The following DACH2 variants were observed in gnomAD, a reference collection of about 807,000 sequenced individuals.
DACH2 encodes the protein dachshund family transcription factor 2.
Under a neutral mutation model 35.8 loss-of-function variants are expected in DACH2, and 17 were observed. The ratio of observed to expected loss-of-function variants is 0.48; its 90% CI spans 0.33 to 0.71. DACH2 has a LOEUF of 0.71. Among genes scored for constraint, DACH2 ranks in the 30% least tolerant of loss-of-function variants. The probability of loss-of-function intolerance (pLI) is 0.02; values close to 1 mark genes in which losing one functional copy is unlikely to be tolerated. For missense variants in DACH2, 469 were observed against 472.7 expected (o/e 0.99, Z 0.07); for synonymous variants, 195 against 177.3 (o/e 1.10, Z -0.79).
At chrX:86,519,109 G>T (rs961033189) in intron 3 of DACH2, among the ~76,000 whole-genome samples, 46 of 111,877 alleles carry the variant, frequency 4.1e-4, no homozygotes, top group African/African-American at 1.5e-3. Context: ...ACATGAAGAT[G>T]TGTTGAATTT....
At chrX:86,472,792 A>G (rs1242654175) in intron 2 of DACH2, among the ~76,000 whole-genome samples, 5 of 112,021 alleles carry the variant, frequency 4.5e-5, no homozygotes, top group African/African-American at 1.3e-4. Context: ...ATTTGAAGAA[A>G]GGGTGGAAAA....
intron 2 of DACH2, among the ~76,000 whole-genome samples, chrX:86,402,366 A>T (rs2036449726): frequency 8.9e-6 from 1 of 112,127 alleles, no homozygotes; most frequent in African/African-American, 3.2e-5. Context: ...TAAAATCAAT[A>T]GGATTTCTAT....
chrX:86,414,799 AC>A (rs1054090983), intron 2 of DACH2, among the ~76,000 whole-genome samples: 2 of 110,566 alleles, frequency 1.8e-5, no homozygotes, highest in Non-Finnish European at 3.8e-5. Flanking sequence ...TTTTTTTTAA[AC>A]TCCCTCAACT....
intron 2 of DACH2, among the ~76,000 whole-genome samples, chrX:86,473,365 A>G (rs1030170916): frequency 1.4e-4 from 16 of 111,372 alleles, no homozygotes; most frequent in Non-Finnish European, 1.3e-4. Context: ...TATGTTATAG[A>G]CAATCCAACT....
At chrX:86,756,113 A>G (rs904386736) in intron 7 of DACH2, among the ~76,000 whole-genome samples, 3 of 111,021 alleles carry the variant, frequency 2.7e-5, no homozygotes, top group African/African-American at 9.8e-5. Flanking sequence ...TTTTTATACC[A>G]AATACCATGC....
intron 1 of DACH2, among the ~76,000 whole-genome samples, chrX:86,274,413 C>T (rs190346085): frequency 2.9e-4 from 30 of 103,543 alleles, no homozygotes; most frequent in African/African-American, 1.0e-3. Context: ...GTAACATTGT[C>T]ATAGGATTTA....
chrX:86,247,211 G>A (rs2033303668), intron 1 of DACH2, among the ~76,000 whole-genome samples: 1 of 111,105 alleles, frequency 9.0e-6, no homozygotes, highest in Non-Finnish European at 1.9e-5. Flanking sequence ...ACATGTAGAG[G>A]AACTAGAAAA....
At chrX:86,518,912 G>T in intron 3 of DACH2, among the ~76,000 whole-genome samples, 1 of 111,740 alleles carries the variant, frequency 8.9e-6, no homozygotes, top group Non-Finnish European at 1.9e-5. Flanking sequence ...GATTGCTCTG[G>T]CTAGGAGCTC....
At chrX:86,208,784 A>G (rs1251523343) in intron 1 of DACH2, among the ~76,000 whole-genome samples, 2 of 111,630 alleles carry the variant, frequency 1.8e-5, no homozygotes, top group East Asian at 5.6e-4. Flanking sequence ...TTTATTGGAC[A>G]CCTACATTCC....
chrX:86,349,083 G>A (rs1230050167), intron 1 of DACH2, among the ~76,000 whole-genome samples: 1 of 112,458 alleles, frequency 8.9e-6, no homozygotes, highest in African/African-American at 3.2e-5. Flanking sequence ...GTATCCCAGG[G>A]TTCTTTCCTT....
intron 2 of DACH2, among the ~76,000 whole-genome samples, chrX:86,397,161 G>A (rs2036312642): frequency 9.0e-6 from 1 of 110,580 alleles, no homozygotes; most frequent in South Asian, 3.9e-4. Flanking sequence ...AATTGTGAAT[G>A]GGAGTTCACT....
At chrX:86,179,562 A>G (rs1448284709) in intron 1 of DACH2, among the ~76,000 whole-genome samples, 1 of 112,126 alleles carries the variant, frequency 8.9e-6, no homozygotes, top group Non-Finnish European at 1.9e-5. Context: ...CGTACTATCC[A>G]TATACCTGAC....
intron 3 of DACH2, among the ~76,000 whole-genome samples, chrX:86,547,893 T>G (rs1229171104): frequency 8.9e-6 from 1 of 112,262 alleles, no homozygotes; most frequent in Non-Finnish European, 1.9e-5. Flanking sequence ...TGTTACTCCC[T>G]GCACACACTC....
intron 1 of DACH2, among the ~76,000 whole-genome samples, chrX:86,179,856 C>T (rs1293992631): frequency 9.1e-6 from 1 of 109,695 alleles, no homozygotes; most frequent in Non-Finnish European, 1.9e-5. Flanking sequence ...GAAAAGCAGT[C>T]CTTTCTTTTT....
intron 3 of DACH2, among the ~76,000 whole-genome samples, chrX:86,643,708 A>G (rs1057083223): frequency 1.8e-5 from 2 of 110,999 alleles, no homozygotes; most frequent in African/African-American, 6.5e-5. Context: ...GCAAAAAAAA[A>G]CCTCCACAAA....
intron 7 of DACH2, among the ~76,000 whole-genome samples, chrX:86,759,145 C>T (rs185010748): frequency 4.5e-4 from 49 of 108,635 alleles, no homozygotes; most frequent in African/African-American, 1.5e-3. Flanking sequence ...ATATACTGTG[C>T]GGTTTAAATC....
Position 86,700,057 on chromosome X carries a change from T to C in DACH2, c.931+4878T>C, listed in dbSNP as rs947935870. ...TGTTTTTACTATCGTGCTGTCCAAG[T>C]GTGGCTGGTATAATTTCACTTTTTT... On this transcript the variant is annotated intron_variant, in intron 5 of 11. Coordinates refer to ENST00000373125, the MANE Select transcript of DACH2 (RefSeq NM_053281.3). 3.6e-5 allele frequency among the ~76,000 whole-genome samples: 4 copies of C among 112,017 alleles called. No homozygotes were observed. The Admixed American group carries it at 3.8e-4, about 11-fold the overall frequency.
chrX:86,696,096 C>A (rs777706802), intron 5 of DACH2, among the ~76,000 whole-genome samples: 1 of 111,897 alleles, frequency 8.9e-6, no homozygotes, highest in African/African-American at 3.2e-5. Context: ...AGTCTTTCTG[C>A]AGCAAAGCAG....
At chrX:86,723,243 T>G (rs915017430) in intron 6 of DACH2, among the ~76,000 whole-genome samples, 13 of 111,641 alleles carry the variant, frequency 1.2e-4, no homozygotes, top group African/African-American at 4.2e-4. Context: ...TTTGTTTATG[T>G]TTTCAAAGAG....
Sources: gnomAD v4.1 joint callset for allele counts (sites outside exome capture counted in the v4.1 genomes callset) on GRCh38, gnomAD v4.1.1 for gene constraint, MANE v1.5 for transcripts, NCBI Gene and HGNC (gene_info 2026-07-23, HGNC 2026-07-21) for gene names.